The following DGKB variants were observed in gnomAD, a reference collection of about 807,000 sequenced individuals.
DGKB encodes 90 kDa diacylglycerol kinase.
DGKB carries 67 observed loss-of-function variants against 114.3 expected under a neutral mutation model. That is an observed-to-expected ratio of 0.59 (90% CI 0.48 to 0.72). DGKB has a LOEUF of 0.72. Among genes scored for constraint, DGKB ranks in the 30% least tolerant of loss-of-function variants. The probability of loss-of-function intolerance (pLI) is 0.00; values close to 1 mark genes in which losing one functional copy is unlikely to be tolerated. For synonymous variants in DGKB, 398 were observed against 323.1 expected, an observed-to-expected ratio of 1.23 and a Z score of -2.49; for missense variants, 907 against 975.2, an observed-to-expected ratio of 0.93 and a Z score of 0.93.
chr7:14,426,311 A>C (rs1649001621), intron 21 of DGKB, among the ~76,000 whole-genome samples: 1 of 152,184 alleles, frequency 6.6e-6, no homozygotes, highest in African/African-American at 2.4e-5. Flanking sequence ...AATTAAGCTA[A>C]GTGATTTAAA....
intron 20 of DGKB, among the ~76,000 whole-genome samples, chr7:14,552,544 A>G (rs1795246199): frequency 6.6e-6 from 1 of 152,174 alleles, no homozygotes; most frequent in South Asian, 2.1e-4. Flanking sequence ...TCCCTGTCTC[A>G]TGATACTCTC....
intron 17 of DGKB, among the ~76,000 whole-genome samples, chr7:14,601,737 A>C (rs1803580812): frequency 6.6e-6 from 1 of 152,196 alleles, no homozygotes; most frequent in African/African-American, 2.4e-5. Flanking sequence ...ACATGGATAC[A>C]ATTCGACAAA....
chr7:14,429,227 G>A (rs1411250078), intron 21 of DGKB, among the ~76,000 whole-genome samples: 2 of 152,110 alleles, frequency 1.3e-5, no homozygotes, highest in African/African-American at 4.8e-5. Flanking sequence ...AGGAAATGTG[G>A]CCTTTAGGAG....
intron 1 of DGKB, among the ~76,000 whole-genome samples, chr7:14,889,545 C>G (rs946172944): frequency 6.6e-6 from 1 of 151,506 alleles, no homozygotes; most frequent in African/African-American, 2.4e-5. Flanking sequence ...AAGCTCATCT[C>G]ACAAATCACT....
intron 21 of DGKB, among the ~76,000 whole-genome samples, chr7:14,464,657 C>T (rs985405185): frequency 3.9e-5 from 6 of 152,104 alleles, no homozygotes; most frequent in Non-Finnish European, 5.9e-5. Flanking sequence ...AGGATTTCTC[C>T]GTGTACTTGT....
chr7:14,155,190 T>A (rs1360243913), intron 25 of DGKB, among the ~76,000 whole-genome samples: 1 of 152,120 alleles, frequency 6.6e-6, no homozygotes, highest in Non-Finnish European at 1.5e-5. Context: ...AATGAATGAA[T>A]GAAAGTCCCT....
At chr7:14,198,133 C>T (rs770423532) in intron 23 of DGKB, among the ~76,000 whole-genome samples, 3 of 151,928 alleles carry the variant, frequency 2.0e-5, no homozygotes, top group Non-Finnish European at 4.4e-5. Flanking sequence ...TGTAGGAGTC[C>T]TAATTTGAGT....
intron 23 of DGKB, among the ~76,000 whole-genome samples, chr7:14,280,247 A>G (rs1053829807): frequency 6.6e-6 from 1 of 152,164 alleles, no homozygotes; most frequent in Non-Finnish European, 1.5e-5. Context: ...ATCAACTGGA[A>G]GAAAGGGTAT....
At chr7:14,692,690 T>C (rs560474483) in intron 9 of DGKB, among the ~76,000 whole-genome samples, 3 of 150,642 alleles carry the variant, frequency 2.0e-5, no homozygotes, top group Non-Finnish European at 4.4e-5. Context: ...AACAATAATA[T>C]ATATATTATA....
intron 19 of DGKB, among the ~76,000 whole-genome samples, chr7:14,577,060 CAAG>C (rs1224431866): frequency 1.3e-5 from 2 of 151,890 alleles, no homozygotes; most frequent in African/African-American, 4.8e-5. Context: ...TTCCTGTACC[CAAG>C]AAGATCATGA....
chr7:14,753,838 T>C, intron 4 of DGKB, 90 bp downstream of exon 4: 1 of 835,962 alleles, frequency 1.2e-6, no homozygotes, highest in South Asian at 1.5e-5. Flanking sequence ...GGTACAGAAG[T>C]ATAGTTCAGT....
chr7:14,205,409 TC>T (rs1267125410), intron 23 of DGKB, among the ~76,000 whole-genome samples: 6 of 151,908 alleles, frequency 3.9e-5, no homozygotes, highest in Non-Finnish European at 8.8e-5. Context: ...TTAAAGCTTC[TC>T]TTTCTTGGGG....
intron 23 of DGKB, among the ~76,000 whole-genome samples, chr7:14,217,632 A>C (rs1265676746): frequency 6.6e-6 from 1 of 152,026 alleles, no homozygotes; most frequent in Non-Finnish European, 1.5e-5. Context: ...GAGAAGGAGA[A>C]GAACAGGCCT....
intron 2 of DGKB, among the ~76,000 whole-genome samples, chr7:14,774,106 C>T (rs1837811587): frequency 6.6e-6 from 1 of 152,002 alleles, no homozygotes; most frequent in African/African-American, 2.4e-5. Context: ...AGTGCAAGGA[C>T]AAGTTAAAAA....
chr7:14,887,120 GTTA>G (rs1412399446), intron 1 of DGKB, among the ~76,000 whole-genome samples: 2 of 151,644 alleles, frequency 1.3e-5, no homozygotes, highest in East Asian at 1.9e-4. Flanking sequence ...TATTTGTGTG[GTTA>G]TTATATATGT....
rs958709606 is a variant in DGKB, at chr7:14,262,954, C to G, written c.2122+75561G>C. Among the ~76,000 whole-genome samples, 4 of 152,010 alleles carry G rather than the reference C, an allele frequency of 2.6e-5. No homozygotes were observed. The South Asian group carries it at 8.4e-4, about 32-fold the overall frequency. Reference sequence around the variant, plus strand: ...GGGCCACAATTCTCCCATTACACATCAAGGAAGATTCCTTCCTTCCTTGGA... The same window carrying G: ...GGGCCACAATTCTCCCATTACACATGAAGGAAGATTCCTTCCTTCCTTGGA... On this transcript the variant is annotated intron_variant, in intron 23 of 25. Transcript: ENST00000402815.
intron 23 of DGKB, among the ~76,000 whole-genome samples, chr7:14,256,748 T>C (rs1264396547): frequency 1.3e-5 from 2 of 152,144 alleles, no homozygotes; most frequent in Non-Finnish European, 2.9e-5. Flanking sequence ...GAAGGTATAA[T>C]GGACAAAATA....
chr7:14,446,360 T>C (rs1045864320), intron 21 of DGKB, among the ~76,000 whole-genome samples: 1 of 152,190 alleles, frequency 6.6e-6, no homozygotes, highest in Non-Finnish European at 1.5e-5. Context: ...TTTAGGTAAA[T>C]TGATTTACTT....
intron 1 of DGKB, among the ~76,000 whole-genome samples, chr7:14,964,340 A>G (rs1787030499): frequency 6.6e-6 from 1 of 152,078 alleles, no homozygotes; most frequent in African/African-American, 2.4e-5. Context: ...CCTCATCTCT[A>G]CAAAAAATAT....
Sources: gnomAD v4.1 joint callset for allele counts (sites outside exome capture counted in the v4.1 genomes callset) on GRCh38, gnomAD v4.1.1 for gene constraint, MANE v1.5 for transcripts, NCBI Gene and HGNC (gene_info 2026-07-23, HGNC 2026-07-21) for gene names.